The following FHIT variants were observed in gnomAD, a reference collection of about 807,000 sequenced individuals.
FHIT encodes fragile histidine triad diadenosine triphosphatase.
A neutral mutation model predicts 17.9 loss-of-function variants in FHIT; 19 were observed. The ratio of observed to expected loss-of-function variants is 1.06; its 90% confidence interval spans 0.74 to 1.56. FHIT has a LOEUF of 1.56. Among genes scored for constraint, FHIT ranks in the 40% most tolerant of loss-of-function variants. The pLI, the probability that FHIT is intolerant of heterozygous loss-of-function variation, is 0.00. For synonymous variants in FHIT, 81 were observed against 69.7 expected (o/e 1.16, Z -0.81); for missense variants, 248 against 189.2 (o/e 1.31, Z -1.82).
intron 5 of FHIT, among the ~76,000 whole-genome samples, chr3:60,433,039 C>CTTCCA (rs2029874872): frequency 6.6e-6 from 1 of 151,830 alleles, no homozygotes; most frequent in South Asian, 2.1e-4. Context: ...AATAGTTCAT[C>CTTCCA]TTCCATAACA....
At chr3:60,934,319 T>C (rs1382089560) in intron 3 of FHIT, among the ~76,000 whole-genome samples, 2 of 152,082 alleles carry the variant, frequency 1.3e-5, no homozygotes, top group Non-Finnish European at 2.9e-5. Context: ...CTGGATCCCA[T>C]GCACCTGGAA....
intron 5 of FHIT, among the ~76,000 whole-genome samples, chr3:60,391,826 G>T (rs1364459500): frequency 6.6e-6 from 1 of 152,110 alleles, no homozygotes; most frequent in Non-Finnish European, 1.5e-5. Context: ...TAAAAATCTG[G>T]ATATTGAGGG....
intron 5 of FHIT, among the ~76,000 whole-genome samples, chr3:60,347,675 TG>T (rs33987270): frequency 0.22 from 6,145 of 27,696 alleles, 996 homozygotes; most frequent in African/African-American, 0.48. Context: ...ACCACTGGTT[TG>T]GGGGGGGGGG....
At chr3:60,677,967 T>C (rs1478440935) in intron 4 of FHIT, among the ~76,000 whole-genome samples, 2 of 152,188 alleles carry the variant, frequency 1.3e-5, no homozygotes, top group East Asian at 1.9e-4. Context: ...TTCTTCATAG[T>C]AGTCTCTGAT....
At chr3:60,675,557 T>G (rs1374649333) in intron 4 of FHIT, among the ~76,000 whole-genome samples, 2 of 152,246 alleles carry the variant, frequency 1.3e-5, no homozygotes, top group Admixed American at 1.3e-4. Flanking sequence ...GTAATGAGTC[T>G]GATGCACCAG....
chr3:60,281,227 C>A (rs1707435564), intron 5 of FHIT, among the ~76,000 whole-genome samples: 1 of 152,058 alleles, frequency 6.6e-6, no homozygotes, highest in Non-Finnish European at 1.5e-5. Flanking sequence ...ATTCTGTGTT[C>A]ATGGATAGGA....
At chr3:59,817,315 CAT>C (rs781471487) in intron 8 of FHIT, among the ~76,000 whole-genome samples, 4 of 152,088 alleles carry the variant, frequency 2.6e-5, no homozygotes, top group Non-Finnish European at 5.9e-5. Context: ...AACATGCTCA[CAT>C]GTTACATGTT....
intron 5 of FHIT, among the ~76,000 whole-genome samples, chr3:60,201,453 T>C (rs949641970): frequency 6.6e-6 from 1 of 152,046 alleles, no homozygotes; most frequent in Non-Finnish European, 1.5e-5. Context: ...GTAGAATATC[T>C]TAAAGTCCAG....
At chr3:60,810,921 A>G (rs1553735839) in intron 4 of FHIT, among the ~76,000 whole-genome samples, 2 of 152,186 alleles carry the variant, frequency 1.3e-5, no homozygotes, top group Non-Finnish European at 2.9e-5. Flanking sequence ...TAGTTTAGAA[A>G]TGATTCAGCG....
chr3:61,119,459 C>G (rs1290205285), intron 2 of FHIT, among the ~76,000 whole-genome samples: 1 of 152,060 alleles, frequency 6.6e-6, no homozygotes, highest in Non-Finnish European at 1.5e-5. Context: ...AGTGATCTGC[C>G]CACATTAGTC....
chr3:60,939,193 C>G (rs149565691), intron 3 of FHIT, among the ~76,000 whole-genome samples: 1 of 152,282 alleles, frequency 6.6e-6, no homozygotes, highest in East Asian at 1.9e-4. Context: ...TACAGTTTTC[C>G]ATGTTACTCG....
intron 3 of FHIT, among the ~76,000 whole-genome samples, chr3:60,993,712 C>G (rs1314949524): frequency 6.6e-6 from 1 of 152,072 alleles, no homozygotes; most frequent in Non-Finnish European, 1.5e-5. Flanking sequence ...GCAGCTGCAT[C>G]CATAAAAAAA....
intron 5 of FHIT, among the ~76,000 whole-genome samples, chr3:60,359,139 G>GA (rs1272464980): frequency 6.6e-6 from 1 of 152,066 alleles, no homozygotes; most frequent in Non-Finnish European, 1.5e-5. Flanking sequence ...CCTTCCCCAA[G>GA]AGTCATGGTT....
rs1007192559 is a variant in FHIT, at chr3:60,515,629, T to A, written c.103+21231A>T. ...ATAAGAGAAACTTTAAGAAAACTTG[T>A]AGAACACAAAAATCACATTAGACTC... On this transcript the variant is annotated intron_variant, in intron 5 of 9. Coordinates refer to ENST00000492590, the MANE Select transcript of FHIT (RefSeq NM_002012.4). Among the ~76,000 whole-genome samples, 3 of 151,512 alleles carry A rather than the reference T, an allele frequency of 2.0e-5. No homozygotes were observed. In the South Asian group the frequency reaches 6.2e-4, roughly 31 times the overall value.
chr3:60,027,507 A>C (rs1177666216), intron 5 of FHIT, among the ~76,000 whole-genome samples: 2 of 152,116 alleles, frequency 1.3e-5, no homozygotes, highest in Non-Finnish European at 2.9e-5. Context: ...ATCACTTAAA[A>C]GAAAATAGAA....
intron 8 of FHIT, among the ~76,000 whole-genome samples, chr3:59,912,576 T>C (rs1162935078): frequency 2.0e-5 from 3 of 152,166 alleles, no homozygotes; most frequent in African/African-American, 4.8e-5. Context: ...TATCAACTGA[T>C]AGGGCCAAGA....
chr3:60,031,398 G>C (rs1359973880), intron 5 of FHIT, among the ~76,000 whole-genome samples: 2 of 152,180 alleles, frequency 1.3e-5, no homozygotes, highest in African/African-American at 4.8e-5. Flanking sequence ...AGTCATTCTA[G>C]GAAGGAGGAA....
chr3:61,048,015 A>C (rs76281869), intron 2 of FHIT, among the ~76,000 whole-genome samples: 105,553 of 147,846 alleles, frequency 0.71, 39,295 homozygotes, highest in East Asian at 0.98. Context: ...CTAAAACCAT[A>C]AAAACCCTAG....
chr3:61,226,433 A>T (rs1156586102), intron 1 of FHIT, among the ~76,000 whole-genome samples: 1 of 152,108 alleles, frequency 6.6e-6, no homozygotes, highest in African/African-American at 2.4e-5. Context: ...AGGAAGAAAA[A>T]TATCCCTCTC....
Sources: gnomAD v4.1 joint callset for allele counts (sites outside exome capture counted in the v4.1 genomes callset) on GRCh38, gnomAD v4.1.1 for gene constraint, MANE v1.5 for transcripts, NCBI Gene and HGNC (gene_info 2026-07-23, HGNC 2026-07-21) for gene names.